NRXN3: variants seen among roughly 807,000 people sequenced by gnomAD.
NRXN3 encodes the protein neurexin 3.
A neutral mutation model predicts 137.6 loss-of-function variants in NRXN3; 32 were observed. The ratio of observed to expected loss-of-function variants is 0.23; its 90% CI spans 0.18 to 0.31. The LOEUF (loss-of-function observed/expected upper bound fraction) is 0.31. NRXN3 is among the 10% of genes least tolerant of loss of function. NRXN3 has a pLI of 1.00. For missense variants in NRXN3, 1,574 were observed against 2,062.5 expected, an observed-to-expected ratio of 0.76 and a Z score of 4.59; for synonymous variants, 798 against 784.5, an observed-to-expected ratio of 1.02 and a Z score of -0.29.
At chr14:78,724,982 A>T (rs568179583) in intron 8 of NRXN3, among the ~76,000 whole-genome samples, 1 of 152,328 alleles carries the variant, frequency 6.6e-6, no homozygotes, top group Admixed American at 6.5e-5. Flanking sequence ...TGCCAGGTAG[A>T]TGCAGTCTTT....
At chr14:78,773,091 A>G (rs2098733550) in intron 8 of NRXN3, among the ~76,000 whole-genome samples, 1 of 152,204 alleles carries the variant, frequency 6.6e-6, no homozygotes, top group Admixed American at 6.5e-5. Flanking sequence ...TCATGATTTC[A>G]TTAACACGGG....
At chr14:79,611,409 C>CT (rs1420291467) in intron 16 of NRXN3, 2 of 152,192 alleles carry the variant, frequency 1.3e-5, no homozygotes, top group Non-Finnish European at 2.9e-5. Context: ...ACCATCCTGG[C>CT]TAACACGGTG....
chr14:78,407,751 G>C (rs896855980), intron 4 of NRXN3, among the ~76,000 whole-genome samples: 16 of 152,236 alleles, frequency 1.1e-4, no homozygotes, highest in African/African-American at 3.1e-4. Context: ...CAGCCTCTCT[G>C]TGCTGCCTTC....
intron 17 of NRXN3, among the ~76,000 whole-genome samples, chr14:79,673,514 G>A (rs897598124): frequency 3.3e-5 from 5 of 152,194 alleles, no homozygotes; most frequent in Non-Finnish European, 5.9e-5. Context: ...TCAAACAGCA[G>A]AAACACTGTA....
intron 4 of NRXN3, among the ~76,000 whole-genome samples, chr14:78,497,582 TCATCCATC>T (rs3036594): frequency 0.027 from 4,109 of 150,890 alleles, 137 homozygotes; most frequent in African/African-American, 0.081. Context: ...GTCTGTCCAT[TCATCCATC>T]CATCCATCCA....
intron 1 of NRXN3, among the ~76,000 whole-genome samples, chr14:78,191,274 A>G (rs1405949585): frequency 6.6e-6 from 1 of 152,132 alleles, no homozygotes; most frequent in African/African-American, 2.4e-5. Context: ...TCTCATGGTG[A>G]TCTTGTGAGG....
chr14:78,559,344 A>G (rs1033398195), intron 4 of NRXN3, among the ~76,000 whole-genome samples: 8 of 152,062 alleles, frequency 5.3e-5, no homozygotes, highest in African/African-American at 1.7e-4. Context: ...TCATGTTGCT[A>G]TGTTTTCATT....
intron 19 of NRXN3, among the ~76,000 whole-genome samples, chr14:79,713,606 C>T (rs1321073033): frequency 4.2e-5 from 5 of 119,462 alleles, no homozygotes; most frequent in Non-Finnish European, 5.4e-5. Flanking sequence ...CATACATATA[C>T]ATATACATAT....
chr14:78,808,859 A>G (rs2098893435), intron 9 of NRXN3, among the ~76,000 whole-genome samples: 1 of 152,140 alleles, frequency 6.6e-6, no homozygotes, highest in Non-Finnish European at 1.5e-5. Context: ...AAATGGTGGC[A>G]TCATCCTTGA....
intron 4 of NRXN3, among the ~76,000 whole-genome samples, chr14:78,373,439 C>T (rs1219624914): frequency 6.6e-6 from 1 of 152,158 alleles, no homozygotes; most frequent in Non-Finnish European, 1.5e-5. Flanking sequence ...TAGCTTAGTG[C>T]AAAACAGCTG....
At chr14:79,765,116 C>T (rs2099051773) in intron 19 of NRXN3, among the ~76,000 whole-genome samples, 1 of 152,152 alleles carries the variant, frequency 6.6e-6, no homozygotes, top group South Asian at 2.1e-4. Flanking sequence ...TTTAGTGTTT[C>T]CATTTTATTA....
intron 4 of NRXN3, among the ~76,000 whole-genome samples, chr14:78,496,826 T>A (rs1350508287): frequency 6.6e-6 from 1 of 151,918 alleles, no homozygotes; most frequent in Non-Finnish European, 1.5e-5. Context: ...AGGGAGAAGT[T>A]AACTACTGGG....
At chr14:79,054,401 G>A (rs1160994918) in intron 15 of NRXN3, among the ~76,000 whole-genome samples, 1 of 152,144 alleles carries the variant, frequency 6.6e-6, no homozygotes, top group Non-Finnish European at 1.5e-5. Flanking sequence ...TCTGTGTGTG[G>A]TATGAAAGTC....
chr14:79,238,105 C>T (rs1047147246), intron 15 of NRXN3, among the ~76,000 whole-genome samples: 3 of 152,038 alleles, frequency 2.0e-5, no homozygotes, highest in African/African-American at 7.2e-5. Flanking sequence ...ACATTATATA[C>T]ATCACAGATG....
chr14:79,183,651 A>G (rs1200337282), intron 15 of NRXN3, among the ~76,000 whole-genome samples: 1 of 151,976 alleles, frequency 6.6e-6, no homozygotes, highest in Non-Finnish European at 1.5e-5. Context: ...TATAATCACA[A>G]CTCTTCTGTT....
rs34485878 is a variant in NRXN3 at position 78,568,961 on chromosome 14, G to GTTTTT, written c.758-76139_758-76135dup. Among the ~76,000 whole-genome samples, 380 of 103,742 alleles carry GTTTTT rather than the reference G, an allele frequency of 3.7e-3. 14 individuals are homozygous for GTTTTT. Among genetic ancestry groups the GTTTTT allele is most frequent in the African/African-American group, 0.014 (344 of 24,452 alleles). The allele number at this position is 103,742 out of a possible 152,430, so 68.1% of individuals were successfully genotyped here. On this transcript the variant is annotated intron_variant, in intron 4 of 20. Coordinates refer to ENST00000335750, the MANE Select transcript of NRXN3 (RefSeq NM_001330195.2). ...TGTGGTGGGAAATATGACTTTGCAG[G>GTTTTT]TTTTTTTTTTTTTTTTTTTTTTTTG...
intron 10 of NRXN3, among the ~76,000 whole-genome samples, chr14:78,826,336 G>A (rs541029414): frequency 6.6e-6 from 1 of 152,292 alleles, no homozygotes; most frequent in African/African-American, 2.4e-5. Flanking sequence ...GGAGGCAGAA[G>A]GTTGCAGCAG....
intron 10 of NRXN3, among the ~76,000 whole-genome samples, chr14:78,838,388 C>A (rs574709521): frequency 7.9e-5 from 12 of 152,166 alleles, no homozygotes; most frequent in Non-Finnish European, 1.2e-4. Flanking sequence ...CATAGATATT[C>A]CTAGTAACTA....
At chr14:79,322,081 T>A (rs138075470) in intron 15 of NRXN3, among the ~76,000 whole-genome samples, 1 of 152,008 alleles carries the variant, frequency 6.6e-6, no homozygotes, top group Admixed American at 6.6e-5. Context: ...ATAAAAAAGA[T>A]CTCATGGTAA....
Sources: gnomAD v4.1 joint callset for allele counts (sites outside exome capture counted in the v4.1 genomes callset) on GRCh38, gnomAD v4.1.1 for gene constraint, MANE v1.5 for transcripts, NCBI Gene and HGNC (gene_info 2026-07-23, HGNC 2026-07-21) for gene names.